The following ATF6 variants were observed in gnomAD, a reference collection of about 807,000 sequenced individuals.
ATF6 encodes the protein cyclic AMP-dependent transcription factor ATF-6 alpha.
A neutral mutation model predicts 83.6 loss-of-function variants in ATF6; 53 were observed. The observed-to-expected ratio is 0.63, with a 90% confidence interval of 0.51 to 0.80. The LOEUF is 0.80. Among genes scored for constraint, ATF6 ranks in the 30% least tolerant of loss-of-function variants. The pLI is 0.00. For missense variants in ATF6, 744 were observed against 797.9 expected, an observed-to-expected ratio of 0.93 and a Z score of 0.81; for synonymous variants, 288 against 285.8, an observed-to-expected ratio of 1.01 and a Z score of -0.08.
intron 13 of ATF6, among the ~76,000 whole-genome samples, chr1:161,861,385 G>A (rs1686883099): frequency 6.6e-6 from 1 of 152,132 alleles, no homozygotes; most frequent in South Asian, 2.1e-4. Flanking sequence ...AAATGACAAT[G>A]AGCAGCATAT....
intron 14 of ATF6, among the ~76,000 whole-genome samples, chr1:161,893,137 G>A (rs1017752363): frequency 6.6e-6 from 1 of 152,012 alleles, no homozygotes; most frequent in African/African-American, 2.4e-5. Context: ...TCATACACTG[G>A]TTTAGCGGAA....
In ATF6 at chr1:161,829,189, C is replaced by CTTTTTTTTTTTTT. The variant is rs35619050; in HGVS notation, c.1187+8041_1187+8053dup. On this transcript the variant is annotated intron_variant, in intron 9 of 15. Transcript: ENST00000367942. The stretch of plus-strand genomic sequence containing the variant: ...ACTCCCACACAATCATAATGGGAGA[C>CTTTTTTTTTTTTT]TTTTTTTTTTTTTTTTTTTTTTTTT... 1.7e-3 allele frequency among the ~76,000 whole-genome samples: 124 copies of CTTTTTTTTTTTTT among 72,596 alleles called. 9 individuals carry two copies. Among genetic ancestry groups the CTTTTTTTTTTTTT allele is most frequent in the African/African-American group, 4.0e-3 (75 of 18,672 alleles). The allele number at this position is 72,596 out of a possible 152,430, so 47.6% of individuals were successfully genotyped here.
intron 2 of ATF6, 26 bp downstream of exon 2, chr1:161,778,346 T>C: frequency 1.3e-6 from 2 of 1,578,606 alleles, no homozygotes; most frequent in South Asian, 1.1e-5. Flanking sequence ...GGTTGAATAA[T>C]GTGATATTTA....
At chr1:161,912,443 A>G (rs1048335923) in intron 15 of ATF6, 63 bp downstream of exon 15, 10 of 1,122,516 alleles carry the variant, frequency 8.9e-6, no homozygotes, top group Admixed American at 2.1e-5. Flanking sequence ...GATTCTCTTC[A>G]TTAGTTCAAA....
In ATF6 at chr1:161,851,802, G is replaced by C; in HGVS notation, c.1400G>C (p.Cys467Ser). ...EPLLYIPPPP[C>S]QPLINTTESL... Reference sequence around the variant, plus strand: ...TTGCTTTACATTCCTCCACCTCCTTGTCAGCCCCTAATTAACACAACAGAG... The same window carrying C: ...TTGCTTTACATTCCTCCACCTCCTTCTCAGCCCCTAATTAACACAACAGAG... The change falls in exon 11 of 16, where the codon TGT becomes TCT. Residue 467 changes from cysteine (C) to serine (S), a missense_variant. Physicochemically the swap from Cys to Ser is moderately radical, Grantham distance 112. Transcript: ENST00000367942. The C allele has an allele frequency of 6.2e-7, 1 of 1,613,738 alleles. No homozygotes were observed. Among genetic ancestry groups the C allele is most frequent in the Non-Finnish European group, 8.5e-7 (1 of 1,179,716 alleles).
Position 161,898,555 on chromosome 1 carries a change from G to GT in ATF6, c.1720-13731dup, listed in dbSNP as rs1209705322. Among the ~76,000 whole-genome samples the GT allele has an allele frequency of 1.2e-3, 175 of 145,776 alleles. 2 individuals are homozygous for GT. The highest frequency in any genetic ancestry group is 9.2e-3 in the East Asian group (46 of 5,004). ...GTGTGTTTTTTTTGTTTTTGTTTTT[G>GT]TTTTTTTTTTGAGACAGAGTCTCAC... On this transcript the variant is annotated intron_variant, in intron 14 of 15. Coordinates refer to ENST00000367942, the MANE Select transcript of ATF6 (RefSeq NM_007348.4).
intron 9 of ATF6, among the ~76,000 whole-genome samples, chr1:161,832,210 GA>G (rs1301984663): frequency 6.6e-6 from 1 of 151,576 alleles, no homozygotes; most frequent in African/African-American, 2.4e-5. Context: ...AGAACATTTT[GA>G]AAAAAAATCT....
At chr1:161,850,639 C>T (rs535705133) in intron 10 of ATF6, among the ~76,000 whole-genome samples, 1 of 152,314 alleles carries the variant, frequency 6.6e-6, no homozygotes, top group East Asian at 1.9e-4. Flanking sequence ...ACTGGATTCT[C>T]AGCACCTAGC....
At chr1:161,812,216 C>T (rs1685482667) in intron 7 of ATF6, among the ~76,000 whole-genome samples, 1 of 151,960 alleles carries the variant, frequency 6.6e-6, no homozygotes, top group Non-Finnish European at 1.5e-5. Flanking sequence ...AAGGAACAGA[C>T]AGAGTGCTCA....
At chr1:161,790,438 A>G (rs1374134444) in intron 4 of ATF6, among the ~76,000 whole-genome samples, 1 of 152,192 alleles carries the variant, frequency 6.6e-6, no homozygotes, top group Non-Finnish European at 1.5e-5. Context: ...TTCACTGAAT[A>G]TTAAAAGACT....
rs77266524 is a variant in ATF6, at chr1:161,942,823, A to G, written c.1805-15623A>G. ...GTGTGACCTGTGATATGGTTTGGCT[A>G]TGTCCTCACCCACAGCCTCATCTTT... On this transcript the variant is annotated intron_variant, in intron 15 of 15. Coordinates refer to ENST00000367942, the MANE Select transcript of ATF6 (RefSeq NM_007348.4). Among the ~76,000 whole-genome samples the G allele has an allele frequency of 3.7e-4, 56 of 152,078 alleles. No individual in the cohort carries two copies. In the East Asian group the frequency reaches 8.3e-3, roughly 23 times the overall value.
chr1:161,909,156 G>C (rs1249804488), intron 14 of ATF6, among the ~76,000 whole-genome samples: 2 of 152,182 alleles, frequency 1.3e-5, no homozygotes, highest in African/African-American at 4.8e-5. Flanking sequence ...AAGTTTCAGA[G>C]ATCTAATGAT....
intron 14 of ATF6, among the ~76,000 whole-genome samples, chr1:161,886,499 A>G (rs1687424948): frequency 6.6e-6 from 1 of 152,230 alleles, no homozygotes; most frequent in South Asian, 2.1e-4. Context: ...TACTTACACA[A>G]ACCTAGATGT....
At chr1:161,883,623 AT>A (rs1687362184) in intron 14 of ATF6, among the ~76,000 whole-genome samples, 1 of 152,060 alleles carries the variant, frequency 6.6e-6, no homozygotes, top group African/African-American at 2.4e-5. Context: ...CATTCACAAG[AT>A]ATAATAAACA....
Position 161,780,129 on chromosome 1 carries a change from A to G in ATF6, c.160-1783A>G, listed in dbSNP as rs145851930. On this transcript the variant is annotated intron_variant, in intron 2 of 15. Coordinates refer to ENST00000367942, the MANE Select transcript of ATF6 (RefSeq NM_007348.4). ...AAAAAATGGTTTTTTTATGATTTAAATACTTTTTTTTCATGTGCACTTTCA... is the reference window on the plus strand; with the variant it reads ...AAAAAATGGTTTTTTTATGATTTAAGTACTTTTTTTTCATGTGCACTTTCA... Among the ~76,000 whole-genome samples the G allele has an allele frequency of 2.0e-5, 3 of 152,074 alleles. No homozygotes were observed. In the East Asian group the frequency reaches 5.8e-4, roughly 29 times the overall value.
intron 15 of ATF6, among the ~76,000 whole-genome samples, chr1:161,938,704 T>C (rs1301596713): frequency 6.6e-6 from 1 of 152,176 alleles, no homozygotes; most frequent in Non-Finnish European, 1.5e-5. Flanking sequence ...ACCTTAAAGG[T>C]CTCAAGTTCA....
At chr1:161,860,183 C>CTTT (rs575629390) in intron 12 of ATF6, 24 bp from the exon 13 acceptor site, 40 of 1,208,214 alleles carry the variant, frequency 3.3e-5, no homozygotes, top group South Asian at 1.0e-4. Context: ...CAGTATTAAA[C>CTTT]TTTTTTTTTT....
intron 12 of ATF6, among the ~76,000 whole-genome samples, chr1:161,855,362 A>G (rs1277687438): frequency 6.6e-6 from 1 of 152,186 alleles, no homozygotes; most frequent in Non-Finnish European, 1.5e-5. Flanking sequence ...TCCTATGCTT[A>G]GGTACTGGAT....
chr1:161,894,522 T>C (rs902324874), intron 14 of ATF6, among the ~76,000 whole-genome samples: 1 of 3,690 alleles, frequency 2.7e-4, no homozygotes, highest in Non-Finnish European at 4.8e-4. Flanking sequence ...TTTTGTAGTC[T>C]TTTTTTTTTT....
Sources: allele counts gnomAD v4.1 joint callset (sites outside exome capture counted in the v4.1 genomes callset), GRCh38; gene constraint gnomAD v4.1.1; transcripts MANE v1.5; gene names NCBI Gene and HGNC (gene_info 2026-07-23, HGNC 2026-07-21).